Variants in TRAPPC8 observed in about 807,000 individuals in gnomAD.
TRAPPC8 encodes general sporulation gene 1 homolog.
In TRAPPC8, 54 loss-of-function variants were observed where a neutral mutation model predicts 174.3. That is an observed-to-expected ratio of 0.31 (90% CI 0.25 to 0.39). The LOEUF (loss-of-function observed/expected upper bound fraction) is 0.39, where lower values mean the gene tolerates loss of function less well. TRAPPC8 is among the 10% of genes least tolerant of loss of function. The pLI, the probability that TRAPPC8 is intolerant of heterozygous loss-of-function variation, is 1.00. For synonymous variants in TRAPPC8, 630 were observed against 579.9 expected (o/e 1.09, Z -1.24); for missense variants, 1,531 against 1,699.1 (o/e 0.90, Z 1.74).
At chr18:31,878,124 G>A (rs143833318) in intron 12 of TRAPPC8, among the ~76,000 whole-genome samples, 1 of 152,042 alleles carries the variant, frequency 6.6e-6, no homozygotes, top group Admixed American at 6.6e-5. Flanking sequence ...GTGTACTCTG[G>A]TCAGAGCCTA....
At chr18:31,877,504 C>A (rs189906320) in intron 12 of TRAPPC8, among the ~76,000 whole-genome samples, 118 of 147,878 alleles carry the variant, frequency 8.0e-4, no homozygotes, top group African/African-American at 2.7e-3. Flanking sequence ...CCCACCTACT[C>A]GGGAGGCTGA....
intron 19 of TRAPPC8, 47 bp from the exon 20 acceptor site, chr18:31,858,029 G>T: frequency 1.3e-6 from 2 of 1,486,226 alleles, no homozygotes; most frequent in Non-Finnish European, 1.8e-6. Flanking sequence ...TAAAAATTTT[G>T]AACCTCTAAT....
chr18:31,849,659 C>T lies in TRAPPC8; in HGVS notation c.3642G>A (p.Leu1214=). 1 of 1,612,952 alleles carries T rather than the reference C, an allele frequency of 6.2e-7. No homozygotes were observed. The highest frequency in any genetic ancestry group is 8.5e-7 in the Non-Finnish European group (1 of 1,179,492). ...TTGACTGTTTTTCTGTATGCACAGGCAAGTGAGCTTGTGGTTTTTTCAATT... is the reference window on the plus strand; with the variant it reads ...TTGACTGTTTTTCTGTATGCACAGGTAAGTGAGCTTGTGGTTTTTTCAATT... ...SSELKKPQAH[L]PVHTEKQSTE... The change falls in exon 25 of 29, where the codon TTG becomes TTA. Residue 1214 remains leucine (L), a synonymous_variant. Transcript: ENST00000283351.
chr18:31,860,309 G>C (rs776664143), intron 19 of TRAPPC8, among the ~76,000 whole-genome samples: 2 of 151,948 alleles, frequency 1.3e-5, no homozygotes, highest in South Asian at 2.1e-4. Context: ...GAAATTAAAG[G>C]AGTTTGCTCT....
intron 19 of TRAPPC8, among the ~76,000 whole-genome samples, chr18:31,859,110 A>G (rs1441262275): frequency 6.6e-6 from 1 of 152,062 alleles, no homozygotes; most frequent in African/African-American, 2.4e-5. Flanking sequence ...AAACAAACAA[A>G]CAAACAAAAA....
At chr18:31,854,012 A>G in intron 21 of TRAPPC8, 67 bp from the exon 22 acceptor site, 2 of 1,269,644 alleles carry the variant, frequency 1.6e-6, no homozygotes, top group Non-Finnish European at 2.2e-6. Context: ...TCCGATGAGA[A>G]TAAAATTCAG....
chr18:31,939,377 T>A (rs547410216), intron 1 of TRAPPC8: 2 of 152,262 alleles, frequency 1.3e-5, no homozygotes, highest in South Asian at 4.1e-4. Flanking sequence ...AAGAATCTAC[T>A]CACATTTACC....
At position 31,878,583 on chromosome 18, in the gene TRAPPC8, A is replaced by G. The variant is rs1185224001; in HGVS notation, c.1729-3879T>C. 3.9e-5 allele frequency among the ~76,000 whole-genome samples: 6 copies of G among 152,206 alleles called. No homozygotes were observed. The East Asian group carries it at 1.2e-3, about 29-fold the overall frequency. ...TAAGTACAAAGTTCAAAGATCCTATAAGGCAGTTATACAATTGGGACTACA... is the reference window on the plus strand; with the variant it reads ...TAAGTACAAAGTTCAAAGATCCTATGAGGCAGTTATACAATTGGGACTACA... On this transcript the variant is annotated intron_variant, in intron 12 of 28. Coordinates refer to ENST00000283351, the MANE Select transcript of TRAPPC8 (RefSeq NM_014939.5).
chr18:31,933,859 AT>A, intron 1 of TRAPPC8, among the ~76,000 whole-genome samples: 1 of 152,156 alleles, frequency 6.6e-6, no homozygotes, highest in East Asian at 1.9e-4. Flanking sequence ...ACAAATGTGT[AT>A]TTATATTGTA....
chr18:31,889,203 G>GTTATA (rs755379065), intron 12 of TRAPPC8, among the ~76,000 whole-genome samples: 9 of 152,120 alleles, frequency 5.9e-5, no homozygotes, highest in Non-Finnish European at 2.9e-5. Context: ...ACTTCACAGG[G>GTTATA]TTATATACTA....
chr18:31,942,530 T>G, intron 1 of TRAPPC8, 78 bp downstream of exon 1: 2 of 1,438,874 alleles, frequency 1.4e-6, no homozygotes, highest in South Asian at 2.9e-5. Flanking sequence ...TGCCCTTCTC[T>G]TCCCTGCCCG....
At chr18:31,873,308 G>A (rs866202942) in intron 14 of TRAPPC8, 122 bp downstream of exon 14, 42 of 803,062 alleles carry the variant, frequency 5.2e-5, no homozygotes, top group South Asian at 4.1e-4. Flanking sequence ...TGAGCCAATC[G>A]TACCCGGCTG....
In TRAPPC8 at chr18:31,866,908, C is replaced by G; in HGVS notation, c.2531G>C (p.Gly844Ala). The G allele has an allele frequency of 6.2e-7, 1 of 1,613,670 alleles. No individual in the cohort carries two copies. The highest frequency in any genetic ancestry group is 8.5e-7 in the Non-Finnish European group (1 of 1,179,758). Residue 844 changes from glycine to alanine, a missense_variant, in exon 18 of 29, where the codon GGC becomes GCC. Transcript: ENST00000283351. ...LHILGVVYNL[G>A]TIQGSMTVDG... Reference sequence around the variant, plus strand: ...TACTGTCATAGAGCCCTGAATAGTGCCAAGATTATAAACAACTCCCAGAAT... The same window carrying G: ...TACTGTCATAGAGCCCTGAATAGTGGCAAGATTATAAACAACTCCCAGAAT...
chr18:31,924,738 CA>C (rs398032376), intron 2 of TRAPPC8, among the ~76,000 whole-genome samples: 935 of 91,808 alleles, frequency 0.01, 3 homozygotes, highest in African/African-American at 0.031. Flanking sequence ...AACTCCGTCT[CA>C]AAAAAAAAAA....
rs189617747 is a variant in TRAPPC8, at chr18:31,925,558, G to C, written c.352+5771C>G. Among the ~76,000 whole-genome samples the C allele has an allele frequency of 1.4e-4, 22 of 152,214 alleles. No homozygotes were observed. The East Asian group carries it at 3.9e-3, about 27-fold the overall frequency. On this transcript the variant is annotated intron_variant, in intron 2 of 28. Coordinates refer to ENST00000283351, the MANE Select transcript of TRAPPC8 (RefSeq NM_014939.5). Reference sequence around the variant, plus strand: ...ATCCAACTAACAGTAGTTTCAGAAAGAACAGAGAGAACAATAAGGGAGAAA... The same window carrying C: ...ATCCAACTAACAGTAGTTTCAGAAACAACAGAGAGAACAATAAGGGAGAAA...
chr18:31,887,706 C>T (rs1180337333), intron 12 of TRAPPC8, among the ~76,000 whole-genome samples: 1 of 151,306 alleles, frequency 6.6e-6, no homozygotes, highest in Non-Finnish European at 1.5e-5. Flanking sequence ...CAATATCATA[C>T]TGCATGGACA....
chr18:31,874,857 T>C (rs978644310), intron 12 of TRAPPC8, among the ~76,000 whole-genome samples, 153 bp from the exon 13 acceptor site: 4 of 152,208 alleles, frequency 2.6e-5, no homozygotes, highest in Non-Finnish European at 5.9e-5. Context: ...ACATTTATGA[T>C]AATCCCTTCA....
chr18:31,919,298 C>T (rs562756492), intron 2 of TRAPPC8, among the ~76,000 whole-genome samples: 2 of 152,078 alleles, frequency 1.3e-5, no homozygotes, highest in African/African-American at 4.8e-5. Context: ...TTTGGGAGGT[C>T]AAGGCAGGCG....
intron 12 of TRAPPC8, among the ~76,000 whole-genome samples, chr18:31,876,507 A>AAAAAAG (rs1181348812): frequency 6.8e-6 from 1 of 147,556 alleles, no homozygotes; most frequent in Non-Finnish European, 1.5e-5. Flanking sequence ...AAAAAAAAAA[A>AAAAAAG]AAAAAGATCA....
Sources: gnomAD v4.1 joint callset for allele counts (sites outside exome capture counted in the v4.1 genomes callset) on GRCh38, gnomAD v4.1.1 for gene constraint, MANE v1.5 for transcripts, NCBI Gene and HGNC (gene_info 2026-07-23, HGNC 2026-07-21) for gene names.